The following TMPRSS15 variants were observed in gnomAD, a reference collection of about 807,000 sequenced individuals.
TMPRSS15 encodes the protein enteropeptidase.
Under a neutral mutation model 125.3 loss-of-function variants are expected in TMPRSS15, and 128 were observed. The observed-to-expected ratio is 1.02, with a 90% CI of 0.89 to 1.18. TMPRSS15 has a LOEUF of 1.18. TMPRSS15 is among the 50% of genes most tolerant of loss of function. The pLI is 0.00. For synonymous variants in TMPRSS15, 446 were observed against 423.2 expected, an observed-to-expected ratio of 1.05 and a Z score of -0.66; for missense variants, 1,283 against 1,212.7, an observed-to-expected ratio of 1.06 and a Z score of -0.86.
At chr21:18,477,368 C>T (rs1278907334) in intron 1 of TMPRSS15, 7 of 152,074 alleles carry the variant, frequency 4.6e-5, no homozygotes, top group Non-Finnish European at 8.8e-5. Context: ...GGCTGTTCTG[C>T]ATTTTTTCGT....
At chr21:18,355,466 C>T (rs900521562) in intron 8 of TMPRSS15, among the ~76,000 whole-genome samples, 22 of 151,842 alleles carry the variant, frequency 1.4e-4, no homozygotes, top group Non-Finnish European at 7.4e-5. Context: ...GAATATGTGT[C>T]TGTAGAGATT....
intron 1 of TMPRSS15, among the ~76,000 whole-genome samples, chr21:18,450,695 A>AT (rs1569071475): frequency 6.6e-6 from 1 of 152,022 alleles, no homozygotes; most frequent in African/African-American, 2.4e-5. Flanking sequence ...TGGGAAAAAA[A>AT]TCCAAGACAG....
At chr21:18,431,941 T>A (rs2076217080) in intron 1 of TMPRSS15, among the ~76,000 whole-genome samples, 1 of 152,202 alleles carries the variant, frequency 6.6e-6, no homozygotes, top group Admixed American at 6.5e-5. Context: ...TACTAAAGTG[T>A]GTCAATGACT....
intron 1 of TMPRSS15, among the ~76,000 whole-genome samples, chr21:18,480,532 G>A (rs1187374727): frequency 2.0e-5 from 3 of 151,788 alleles, no homozygotes; most frequent in Non-Finnish European, 4.4e-5. Context: ...AAACCGGCAA[G>A]TTTAGTTTGT....
At chr21:18,352,800 T>C (rs2075583634) in intron 10 of TMPRSS15, 103 bp downstream of exon 10, 1 of 1,201,984 alleles carries the variant, frequency 8.3e-7, no homozygotes, top group Non-Finnish European at 1.2e-6. Context: ...AAAAGACTTT[T>C]GCATTTAATA....
chr21:18,467,361 A>C (rs540843531), intron 1 of TMPRSS15, among the ~76,000 whole-genome samples: 1 of 152,042 alleles, frequency 6.6e-6, no homozygotes, highest in South Asian at 2.1e-4. Flanking sequence ...CCTATGTAAC[A>C]AACCTGCACG....
chr21:18,463,553 T>C lies in TMPRSS15; in HGVS notation c.10+22246A>G, dbSNP rs2122953945. 3.9e-5 allele frequency among the ~76,000 whole-genome samples: 6 copies of C among 151,962 alleles called. No homozygotes were observed. In the East Asian group the frequency reaches 1.2e-3, roughly 29 times the overall value. ...TATTAGAGAGATCGAGACAGAAAAT[T>C]AACAAGGATATTCAGGACTTGAACT... On this transcript the variant is annotated intron_variant, in intron 1 of 7. Transcript: ENST00000422787.
intron 1 of TMPRSS15, among the ~76,000 whole-genome samples, chr21:18,463,669 C>T (rs1056338042): frequency 3.9e-5 from 6 of 152,170 alleles, no homozygotes; most frequent in African/African-American, 1.4e-4. Flanking sequence ...CCACATCACA[C>T]TTATTCTAAA....
At chr21:18,381,384 G>C (rs1440839174) in intron 4 of TMPRSS15, among the ~76,000 whole-genome samples, 1 of 152,000 alleles carries the variant, frequency 6.6e-6, no homozygotes, top group African/African-American at 2.4e-5. Context: ...TTTTATGTTT[G>C]ACAGTGTATT....
At chr21:18,351,777 T>A (rs1270347949) in intron 10 of TMPRSS15, among the ~76,000 whole-genome samples, 2 of 152,138 alleles carry the variant, frequency 1.3e-5, no homozygotes, top group Non-Finnish European at 2.9e-5. Context: ...AGGTTTTTGT[T>A]CCTGAAAAGA....
At chr21:18,444,488 TG>T (rs1161481694) in intron 1 of TMPRSS15, among the ~76,000 whole-genome samples, 1 of 151,224 alleles carries the variant, frequency 6.6e-6, no homozygotes, top group Admixed American at 6.6e-5. Flanking sequence ...TGTTGGGGGA[TG>T]GGGGTGCTGG....
chr21:18,372,195 C>A lies in TMPRSS15; in HGVS notation c.662G>T (p.Cys221Phe). The change falls in exon 6 of 25, where the codon TGT becomes TTT. Residue 221 changes from cysteine (C) to phenylalanine (F), a missense_variant and splice_region_variant. By Grantham distance (205) the Cys-to-Phe change is radical. Coordinates refer to ENST00000284885, the MANE Select transcript of TMPRSS15 (RefSeq NM_002772.3). ...PDGSDEDNKM[C>F]ATVCDGRFLL... ...AGAGAGTAGGGGGGAGAACTTACCA[C>A]ACATTTTATTGTCTTCGTCAGAACC... The A allele has an allele frequency of 6.2e-7, 1 of 1,606,194 alleles. No individual in the cohort carries two copies. The highest frequency in any genetic ancestry group is 8.5e-7 in the Non-Finnish European group (1 of 1,175,300).
chr21:18,388,447 T>C (rs1331818980), intron 3 of TMPRSS15, among the ~76,000 whole-genome samples: 2 of 152,176 alleles, frequency 1.3e-5, no homozygotes, highest in Admixed American at 6.5e-5. Flanking sequence ...TCTATATTCA[T>C]CAAATTTTCC....
intron 8 of TMPRSS15, among the ~76,000 whole-genome samples, chr21:18,357,410 C>G (rs902999399): frequency 9.2e-5 from 14 of 151,716 alleles, no homozygotes; most frequent in African/African-American, 3.4e-4. Context: ...GAAAAAAATG[C>G]CTTTAGGATT....
intron 4 of TMPRSS15, among the ~76,000 whole-genome samples, chr21:18,379,609 TTCATTAATC>T (rs1410540101): frequency 6.6e-6 from 1 of 152,124 alleles, no homozygotes; most frequent in Non-Finnish European, 1.5e-5. Context: ...AATGCGAGGA[TTCATTAATC>T]TCATAATGAC....
chr21:18,384,760 G>A (rs917297069), intron 3 of TMPRSS15, among the ~76,000 whole-genome samples: 12 of 152,110 alleles, frequency 7.9e-5, no homozygotes, highest in African/African-American at 1.9e-4. Flanking sequence ...AATTTTGCAT[G>A]ATATGTTTGC....
intron 16 of TMPRSS15, among the ~76,000 whole-genome samples, chr21:18,319,753 T>C (rs2075215099): frequency 6.6e-6 from 1 of 152,152 alleles, no homozygotes; most frequent in Non-Finnish European, 1.5e-5. Flanking sequence ...AAGTTAACAT[T>C]TTTACTCCAT....
At chr21:18,341,739 A>C (rs533142870) in intron 12 of TMPRSS15, among the ~76,000 whole-genome samples, 191 bp from the exon 13 acceptor site, 1 of 151,896 alleles carries the variant, frequency 6.6e-6, no homozygotes, top group African/African-American at 2.4e-5. Flanking sequence ...GCTGAACCCA[A>C]CCCCCTTATT....
chr21:18,440,736 C>G (rs2076239650), intron 1 of TMPRSS15, among the ~76,000 whole-genome samples: 1 of 151,984 alleles, frequency 6.6e-6, no homozygotes, highest in African/African-American at 2.4e-5. Context: ...CTTGTCATGA[C>G]CTGTTCATGT....
Sources: gnomAD v4.1 joint callset for allele counts (sites outside exome capture counted in the v4.1 genomes callset) on GRCh38, gnomAD v4.1.1 for gene constraint, MANE v1.5 for transcripts, NCBI Gene and HGNC (gene_info 2026-07-23, HGNC 2026-07-21) for gene names.